MMEL1: variants seen among roughly 807,000 people sequenced by gnomAD.
MMEL1 encodes the protein membrane metallo-endopeptidase-like 1.
Under a neutral mutation model 117.1 loss-of-function variants are expected in MMEL1, and 98 were observed. The observed-to-expected ratio is 0.84, with a 90% CI of 0.71 to 0.99. MMEL1 has a LOEUF of 0.99. Ranked by LOEUF, MMEL1 falls within the 50% of genes least tolerant of loss-of-function variation. The pLI is 0.00. For missense variants in MMEL1, 1,014 were observed against 1,049.1 expected (o/e 0.97, Z 0.46); for synonymous variants, 390 against 415.1 (o/e 0.94, Z 0.74).
At chr1:2,627,499 G>T (rs899010989) in intron 2 of MMEL1, among the ~76,000 whole-genome samples, 2 of 152,170 alleles carry the variant, frequency 1.3e-5, no homozygotes, top group Non-Finnish European at 2.9e-5. Context: ...AGCCTATTCC[G>T]CAGCACACAG....
intron 18 of MMEL1, 200 bp downstream of exon 18, chr1:2,594,185 G>T: frequency 5.1e-6 from 4 of 782,128 alleles, no homozygotes; most frequent in South Asian, 1.8e-5. Context: ...GCTCTGGGCC[G>T]CCTGCCAAGT....
intron 21 of MMEL1, 32 bp from the exon 22 acceptor site, chr1:2,592,059 C>T: frequency 6.3e-7 from 1 of 1,575,058 alleles, no homozygotes; most frequent in Non-Finnish European, 8.7e-7. Flanking sequence ...TGAGCTCAGG[C>T]CTGCCAGCCT....
chr1:2,591,125 C>A (rs11550952), intron 23 of MMEL1, 36 bp from the exon 24 acceptor site: 1 of 1,441,788 alleles, frequency 6.9e-7, no homozygotes, highest in Non-Finnish European at 9.3e-7. Context: ...GGAGCATTGC[C>A]ATCTTGGACA....
At position 2,629,518 on chromosome 1, in the gene MMEL1, G is replaced by A. The variant is rs1638444710; in HGVS notation, c.-34C>T. ...CTCTGGACGGGAGAGCACCGCGGAG[G>A]AACCTGCAGGCCCAGGGCAGGGGAG... On this transcript the variant is annotated 5_prime_UTR_variant, in exon 2 of 24. Coordinates refer to ENST00000378412, the MANE Select transcript of MMEL1 (RefSeq NM_033467.4). The A allele has an allele frequency of 7.0e-7, 1 of 1,438,544 alleles. No individual in the cohort carries two copies. The highest frequency in any genetic ancestry group is 9.1e-7 in the Non-Finnish European group (1 of 1,093,748). 89.1% of individuals were successfully genotyped at this position (1,438,544 alleles called of 1,614,324 possible).
At chr1:2,610,762 C>A (rs1043790604) in intron 4 of MMEL1, among the ~76,000 whole-genome samples, 26 of 152,226 alleles carry the variant, frequency 1.7e-4, no homozygotes, top group Non-Finnish European at 2.2e-4. Flanking sequence ...TTCTGTCCAA[C>A]TTGGTCTTGG....
Position 2,606,247 on chromosome 1 carries a change from C to G in MMEL1, c.750+1G>C, listed in dbSNP as rs201133402. 2 of 1,612,370 alleles carry G rather than the reference C, an allele frequency of 1.2e-6. No individual in the cohort carries two copies. The highest frequency in any genetic ancestry group is 1.3e-5 in the African/African-American group (1 of 74,916). On this transcript the variant is annotated splice_donor_variant, in intron 8 of 23. Coordinates refer to ENST00000378412, the MANE Select transcript of MMEL1 (RefSeq NM_033467.4). LOFTEE classifies it high-confidence loss of function. ...CCCCTGCCCACCGGCGCGGCTCGTA[C>G]GTAGATGATGTGCCGGCTGGAGTTC...
chr1:2,616,803 G>A (rs916795228), intron 2 of MMEL1, among the ~76,000 whole-genome samples: 2 of 152,194 alleles, frequency 1.3e-5, no homozygotes, highest in South Asian at 2.1e-4. Flanking sequence ...CTGAAGAGGC[G>A]AGTTCATGCC....
At position 2,629,303 on chromosome 1, in the gene MMEL1, C is replaced by G. The variant is rs1448238868; in HGVS notation, c.154+28G>C. ...CGAGCGCGGAGAGCGGGCACGGGGACAGGCGGGGGCGGGGCACCCGCACTC... is the reference window on the plus strand; with the variant it reads ...CGAGCGCGGAGAGCGGGCACGGGGAGAGGCGGGGGCGGGGCACCCGCACTC... On this transcript the variant is annotated intron_variant, in intron 2 of 23. Transcript: ENST00000378412. 4.6e-6 allele frequency: 7 copies of G among 1,509,340 alleles called. No individual in the cohort carries two copies. The East Asian group carries it at 1.8e-4, about 39-fold the overall frequency. The allele number at this position is 1,509,340 out of a possible 1,614,324, so 93.5% of individuals were successfully genotyped here. A position where few individuals can be genotyped will look rare whatever the true frequency, so the allele number is the denominator to read the frequency against.
rs747219886 is a variant in MMEL1, at chr1:2,611,283, G to A, written c.290C>T (p.Ala97Val). The A allele has an allele frequency of 1.3e-5, 20 of 1,579,032 alleles. No homozygotes were observed. Among genetic ancestry groups the A allele is most frequent in the Non-Finnish European group, 1.6e-5 (19 of 1,164,346 alleles). The change falls in exon 4 of 24, where the codon GCA (alanine) becomes GTA (valine). Residue 97 changes from alanine to valine, a missense_variant and splice_region_variant. Ala to Val is a moderately conservative substitution (Grantham distance 64, BLOSUM62 0). Transcript: ENST00000378412. ...EVCTTPGCVIAAARILQNMDP... is the reference protein window; with the variant it reads ...EVCTTPGCVIVAARILQNMDP... ...GACGGCAAGGGGGCGGGGCTTACCT[G>A]CTATCACGCAGCCAGGGGTGGTGCA...
intron 6 of MMEL1, among the ~76,000 whole-genome samples, chr1:2,608,016 C>T (rs899418679): frequency 1.3e-5 from 2 of 152,102 alleles, no homozygotes; most frequent in Admixed American, 1.3e-4. Context: ...TGGTCTGGCC[C>T]CTGCCGTTTG....
intron 2 of MMEL1, among the ~76,000 whole-genome samples, chr1:2,621,581 T>G (rs910755356): frequency 4.6e-5 from 7 of 151,904 alleles, no homozygotes; most frequent in African/African-American, 7.3e-5. Context: ...CATTTTTTTT[T>G]TTTTGTTTTG....
At chr1:2,611,203 G>C in intron 4 of MMEL1, 78 bp downstream of exon 4, 2 of 1,422,524 alleles carry the variant, frequency 1.4e-6, no homozygotes, top group South Asian at 2.5e-5. Flanking sequence ...CCTGGGCCTT[G>C]GGCGGGGCCT....
chr1:2,623,118 G>A (rs1381892888), intron 2 of MMEL1, among the ~76,000 whole-genome samples: 19 of 151,080 alleles, frequency 1.3e-4, no homozygotes, highest in Admixed American at 3.3e-4. Flanking sequence ...GCAGTGAGCC[G>A]AGATCACGCC....
chr1:2,595,287 C>A lies in MMEL1; in HGVS notation c.1573G>T (p.Glu525Ter). The A allele has an allele frequency of 1.2e-6, 2 of 1,613,716 alleles. No homozygotes were observed. ...LEEMNRRLDE[E>*]YSNLNFSEDL... is the part of the protein sequence containing the mutation. ...GGTTGGGGGCGCACATTGGAGTACTCCTCGTCCAGGCGCCTGTTCATCTCC... is the reference window on the plus strand; with the variant it reads ...GGTTGGGGGCGCACATTGGAGTACTACTCGTCCAGGCGCCTGTTCATCTCC... Residue 525 changes from glutamate (E) to a stop codon, truncating the protein, a stop_gained, in exon 16 of 24, where the codon GAG becomes TAG. Transcript: ENST00000378412. LOFTEE classifies it high-confidence loss of function. This position sits in a 1 kb window ranked among gnomAD's most constrained non-coding sequence, Gnocchi z 4.8.
chr1:2,602,429 G>A (rs1022038727), intron 11 of MMEL1, among the ~76,000 whole-genome samples: 1 of 152,146 alleles, frequency 6.6e-6, no homozygotes, highest in African/African-American at 2.4e-5. Context: ...GGCCATCTGA[G>A]CTCTCTCACT....
In MMEL1 at chr1:2,595,455, G is replaced by T; in HGVS notation, c.1501-96C>A. 2 of 1,036,190 alleles carry T rather than the reference G, an allele frequency of 1.9e-6. No individual in the cohort carries two copies. The highest frequency in any genetic ancestry group is 3.0e-6 in the Non-Finnish European group (2 of 669,072). 64.2% of individuals were successfully genotyped at this position (1,036,190 alleles called of 1,614,324 possible). A position where few individuals can be genotyped will look rare whatever the true frequency, so the allele number is the denominator to read the frequency against. On this transcript the variant is annotated intron_variant, in intron 15 of 23. Coordinates refer to ENST00000378412, the MANE Select transcript of MMEL1 (RefSeq NM_033467.4). This position sits in a 1 kb window ranked among gnomAD's most constrained non-coding sequence, Gnocchi z 4.8. ...GAGTGCCACACTGTGGGAGGGGTCA[G>T]CCCGGGGCATCCTGGCTGTGCTCTC...
rs566658155 is a variant in MMEL1 at position 2,629,130 on chromosome 1, C to T, written c.154+201G>A. 4.6e-5 allele frequency among the ~76,000 whole-genome samples: 7 copies of T among 152,232 alleles called. No homozygotes were observed. In the East Asian group the frequency reaches 1.4e-3, roughly 30 times the overall value. The stretch of plus-strand genomic sequence containing the variant: ...AGAGCTTTCTGGAAGGGACCGCGGG[C>T]TCCCTGCAGGTCAGTGCCCCTCCCG... On this transcript the variant is annotated intron_variant, in intron 2 of 23. Coordinates refer to ENST00000378412, the MANE Select transcript of MMEL1 (RefSeq NM_033467.4).
intron 8 of MMEL1, among the ~76,000 whole-genome samples, chr1:2,605,992 C>T (rs949412617): frequency 5.3e-5 from 8 of 152,208 alleles, no homozygotes; most frequent in African/African-American, 1.4e-4. Context: ...GTTCCAGCCC[C>T]GCTGTTCAGG....
rs1229370030 is a variant in MMEL1, at chr1:2,594,874, A to T, written c.1604T>A (p.Leu535Gln). ...GTTCTGCAGACTGTTCTCAAAGTACAGGTCCTCTGAGAAGTTCAGCTACGG... is the reference window on the plus strand; with the variant it reads ...GTTCTGCAGACTGTTCTCAAAGTACTGGTCCTCTGAGAAGTTCAGCTACGG... ...EYSNLNFSED[L>Q]YFENSLQNLK... is the part of the protein sequence containing the mutation. The change falls in exon 17 of 24, where the codon CTG (leucine) becomes CAG (glutamine). Residue 535 changes from leucine to glutamine, a missense_variant. By Grantham distance (113) the Leu-to-Gln change is moderately radical. Transcript: ENST00000378412. 6.2e-7 allele frequency: 1 copy of T among 1,613,858 alleles called. No homozygotes were observed. Among genetic ancestry groups the T allele is most frequent in the Admixed American group, 1.7e-5 (1 of 60,010 alleles).
Sources: gnomAD v4.1 joint callset for allele counts (sites outside exome capture counted in the v4.1 genomes callset) on GRCh38, gnomAD v4.1.1 for gene constraint, Gnocchi (gnomAD v3.1) non-coding constraint, MANE v1.5 for transcripts, NCBI Gene and HGNC (gene_info 2026-07-23, HGNC 2026-07-21) for gene names.